Variants in GRM3 observed in about 807,000 individuals in gnomAD.
GRM3 encodes glutamate metabotropic receptor 3, also known as metabotropic glutamate receptor 3.
A neutral mutation model predicts 70.5 loss-of-function variants in GRM3; 26 were observed. The ratio of observed to expected loss-of-function variants is 0.37; its 90% CI spans 0.27 to 0.51. GRM3 has a LOEUF of 0.51. Among genes scored for constraint, GRM3 ranks in the 20% least tolerant of loss-of-function variants. The pLI is 0.93. For synonymous variants in GRM3, 443 were observed against 434.9 expected (o/e 1.02, Z -0.23); for missense variants, 859 against 1,123.8 (o/e 0.76, Z 3.37).
At chr7:86,780,253 G>A (rs577211354) in intron 2 of GRM3, among the ~76,000 whole-genome samples, 1 of 152,282 alleles carries the variant, frequency 6.6e-6, no homozygotes, top group Non-Finnish European at 1.5e-5. Context: ...TGGGATGGCT[G>A]GGTCAAATGG....
intron 1 of GRM3, among the ~76,000 whole-genome samples, chr7:86,713,289 T>G (rs567648417): frequency 2.6e-5 from 4 of 152,212 alleles, no homozygotes; most frequent in South Asian, 4.1e-4. Context: ...TTGAGAAATA[T>G]ATATTCAGAT....
chr7:86,844,702 G>T (rs1361224835), intron 4 of GRM3, among the ~76,000 whole-genome samples: 1 of 152,166 alleles, frequency 6.6e-6, no homozygotes, highest in Admixed American at 6.6e-5. Context: ...GTTAGAAGTA[G>T]AGGTAGAACC....
chr7:86,690,852 G>A (rs1315302663), intron 1 of GRM3, among the ~76,000 whole-genome samples: 1 of 151,942 alleles, frequency 6.6e-6, no homozygotes, highest in African/African-American at 2.4e-5. Context: ...ATCATTCTAG[G>A]GATTTCAGAA....
At chr7:86,711,698 C>A (rs192150428) in intron 1 of GRM3, among the ~76,000 whole-genome samples, 1 of 152,204 alleles carries the variant, frequency 6.6e-6, no homozygotes, top group African/African-American at 2.4e-5. Flanking sequence ...ATTAATTACA[C>A]ATAATTAATT....
At chr7:86,806,343 G>A (rs1188355384) in intron 3 of GRM3, among the ~76,000 whole-genome samples, 1 of 152,174 alleles carries the variant, frequency 6.6e-6, no homozygotes, top group Non-Finnish European at 1.5e-5. Context: ...CACAATGGTT[G>A]AACTAGTTTA....
intron 1 of GRM3, among the ~76,000 whole-genome samples, chr7:86,646,942 C>G (rs1175940831): frequency 3.3e-5 from 5 of 152,120 alleles, no homozygotes; most frequent in Non-Finnish European, 7.4e-5. Flanking sequence ...ATTTAACCCA[C>G]AACTACACAT....
At chr7:86,678,368 T>TAA (rs1794356958) in intron 1 of GRM3, among the ~76,000 whole-genome samples, 12 of 152,050 alleles carry the variant, frequency 7.9e-5, no homozygotes, top group Admixed American at 7.9e-4. Flanking sequence ...TTTTTAAAGT[T>TAA]ATATTTAAAA....
intron 4 of GRM3, among the ~76,000 whole-genome samples, chr7:86,848,816 T>C (rs1342192116): frequency 6.6e-6 from 1 of 152,116 alleles, no homozygotes; most frequent in Non-Finnish European, 1.5e-5. Flanking sequence ...TTCCTCACCT[T>C]CTAGATTTCC....
chr7:86,850,100 AAAAC>A (rs1262286465), intron 4 of GRM3, among the ~76,000 whole-genome samples: 31 of 152,206 alleles, frequency 2.0e-4, no homozygotes, highest in African/African-American at 6.8e-4. Flanking sequence ...AAATATAAAG[AAAAC>A]AAACAAGAAA....
chr7:86,666,935 A>C lies in GRM3; in HGVS notation c.-141+22063A>C, dbSNP rs1046037934. Among the ~76,000 whole-genome samples, 5 of 152,248 alleles carry C rather than the reference A, an allele frequency of 3.3e-5. No homozygotes were observed. The South Asian group carries it at 1.0e-3, about 32-fold the overall frequency. On this transcript the variant is annotated intron_variant, in intron 1 of 5. Transcript: ENST00000361669. ...ATTTTGTTGTATAACTTAACTACCCAGAATAAATCTTTGACGCTAAGGTTG... is the reference window on the plus strand; with the variant it reads ...ATTTTGTTGTATAACTTAACTACCCCGAATAAATCTTTGACGCTAAGGTTG...
intron 4 of GRM3, among the ~76,000 whole-genome samples, chr7:86,845,020 T>A (rs1053160180): frequency 6.6e-6 from 1 of 152,022 alleles, no homozygotes; most frequent in African/African-American, 2.4e-5. Context: ...CTCCCAAATA[T>A]CTGGGATTAC....
chr7:86,730,709 C>T lies in GRM3; in HGVS notation c.-140-34297C>T, dbSNP rs181326831. 5.2e-4 allele frequency among the ~76,000 whole-genome samples: 79 copies of T among 152,298 alleles called. 1 individual carries two copies. Among genetic ancestry groups the T allele is most frequent in the African/African-American group, 1.9e-3 (78 of 41,568 alleles). On this transcript the variant is annotated intron_variant, in intron 1 of 5. Coordinates refer to ENST00000361669, the MANE Select transcript of GRM3 (RefSeq NM_000840.3). ...TCTTAAAAATAGGCCGTTTTGCATG[C>T]TAACCTACATTCCTTGCTTTAACTC...
chr7:86,765,608 A>C lies in GRM3; in HGVS notation c.463A>C (p.Ile155Leu). The C allele has an allele frequency of 3.7e-6, 6 of 1,611,646 alleles. No individual in the cohort carries two copies. Among genetic ancestry groups the C allele is most frequent in the Non-Finnish European group, 5.1e-6 (6 of 1,178,144 alleles). The change falls in exon 2 of 6, where the codon ATA (isoleucine) becomes CTA (leucine). Residue 155 changes from isoleucine to leucine, a missense_variant. Ile to Leu is a conservative substitution (Grantham distance 5). Coordinates refer to ENST00000361669, the MANE Select transcript of GRM3 (RefSeq NM_000840.3). ...VIGGSYSSVS[I>L]QVANLLRLFQ... ...TGGTGGCTCTTATAGCAGTGTTTCCATACAGGTAAGATTGGCTAATGCTAT... is the reference window on the plus strand; with the variant it reads ...TGGTGGCTCTTATAGCAGTGTTTCCCTACAGGTAAGATTGGCTAATGCTAT...
chr7:86,770,252 C>T (rs1348666035), intron 2 of GRM3, among the ~76,000 whole-genome samples: 2 of 152,082 alleles, frequency 1.3e-5, no homozygotes, highest in Non-Finnish European at 2.9e-5. Context: ...AGTGTTAAAG[C>T]GACTTCAGGA....
At chr7:86,778,207 G>A (rs1796945642) in intron 2 of GRM3, among the ~76,000 whole-genome samples, 1 of 152,198 alleles carries the variant, frequency 6.6e-6, no homozygotes, top group African/African-American at 2.4e-5. Flanking sequence ...GTTCAGCTCT[G>A]TAAATAACAT....
chr7:86,806,552 G>C (rs1203027262), intron 3 of GRM3, among the ~76,000 whole-genome samples: 3 of 152,174 alleles, frequency 2.0e-5, no homozygotes, highest in Admixed American at 1.3e-4. Flanking sequence ...GTCTTCTTTT[G>C]AGAAGTGTCT....
intron 1 of GRM3, among the ~76,000 whole-genome samples, chr7:86,740,771 A>T (rs1215252814): frequency 2.6e-5 from 4 of 152,220 alleles, no homozygotes; most frequent in Non-Finnish European, 5.9e-5. Context: ...GCCCTTGGCA[A>T]GGACTTCCAA....
At chr7:86,827,539 GT>G (rs1798258687) in intron 3 of GRM3, among the ~76,000 whole-genome samples, 1 of 150,706 alleles carries the variant, frequency 6.6e-6, no homozygotes, top group Non-Finnish European at 1.5e-5. Context: ...TTGAGACAGA[GT>G]TTTGCTCTTG....
At chr7:86,777,187 T>G (rs975518333) in intron 2 of GRM3, among the ~76,000 whole-genome samples, 2 of 152,190 alleles carry the variant, frequency 1.3e-5, no homozygotes, top group Non-Finnish European at 1.5e-5. Flanking sequence ...TCCTTTGTGG[T>G]CTGCATATCA....
Sources: gnomAD v4.1 joint callset for allele counts (sites outside exome capture counted in the v4.1 genomes callset) on GRCh38, gnomAD v4.1.1 for gene constraint, MANE v1.5 for transcripts, NCBI Gene and HGNC (gene_info 2026-07-23, HGNC 2026-07-21) for gene names.